The following CDH15 variants were observed in gnomAD, a reference collection of about 807,000 sequenced individuals.
The protein encoded by CDH15 is cadherin-15.
CDH15 carries 73 observed loss-of-function variants against 69.4 expected under a neutral mutation model. The ratio of observed to expected loss-of-function variants is 1.05; its 90% confidence interval spans 0.87 to 1.28. The LOEUF (loss-of-function observed/expected upper bound fraction) is 1.28. CDH15 is among the 50% of genes most tolerant of loss of function. CDH15 has a pLI of 0.00. For synonymous variants in CDH15, 624 were observed against 507.7 expected (o/e 1.23, Z -3.08); for missense variants, 1,343 against 1,133.6 (o/e 1.18, Z -2.65).
Position 89,191,752 on chromosome 16 carries a change from G to C in CDH15, c.1473G>C (p.Leu491=). 6.2e-7 allele frequency: 1 copy of C among 1,604,922 alleles called. No individual in the cohort carries two copies. The highest frequency in any genetic ancestry group is 8.5e-7 in the Non-Finnish European group (1 of 1,179,320). Residue 491 remains leucine (L), a synonymous_variant, in exon 10 of 14, where the codon CTG becomes CTC. Coordinates refer to ENST00000289746, the MANE Select transcript of CDH15 (RefSeq NM_004933.3). ...PVLAPPPPGS[L]CSEPHQGPGL... Reference sequence around the variant, plus strand: ...TGGCCCCGCCGCCGCCGGGCAGCCTGTGCAGCGAGCCACACCAAGGCCCAG... The same window carrying C: ...TGGCCCCGCCGCCGCCGGGCAGCCTCTGCAGCGAGCCACACCAAGGCCCAG...
At chr16:89,179,598 G>A in intron 2 of CDH15, 24 bp downstream of exon 2, 1 of 1,551,380 alleles carries the variant, frequency 6.4e-7, no homozygotes, top group Non-Finnish European at 8.7e-7. Flanking sequence ...GGGGGCAGGA[G>A]GGGAGAAAGG....
chr16:89,192,283 G>A lies in CDH15; in HGVS notation c.1694G>A (p.Gly565Glu). Residue 565 changes from glycine to glutamate, a missense_variant, in exon 11 of 14, where the codon GGG becomes GAG. Gly to Glu is a moderately conservative substitution (Grantham distance 98). Transcript: ENST00000289746. Reference protein sequence around the residue: ...HRLSLLLRDSGQPPQQREQPL... With the variant: ...HRLSLLLRDSEQPPQQREQPL... Reference sequence around the variant, plus strand: ...CTCAGCCTGCTGCTCCGGGACTCGGGGCAGCCGCCCCAGCAGCGCGAGCAG... The same window carrying A: ...CTCAGCCTGCTGCTCCGGGACTCGGAGCAGCCGCCCCAGCAGCGCGAGCAG... 6.5e-7 allele frequency: 1 copy of A among 1,531,600 alleles called. No individual in the cohort carries two copies. Among genetic ancestry groups the A allele is most frequent in the Non-Finnish European group, 8.7e-7 (1 of 1,145,526 alleles). The allele number at this position is 1,531,600 out of a possible 1,614,324, so 94.9% of individuals were successfully genotyped here. A position where few individuals can be genotyped will look rare whatever the true frequency, so the allele number is the denominator to read the frequency against.
intron 3 of CDH15, among the ~76,000 whole-genome samples, chr16:89,182,115 TCCCCCAGC>T (rs2151599933): frequency 2.0e-4 from 1 of 5,014 alleles, no homozygotes; most frequent in African/African-American, 8.8e-4. Flanking sequence ...CAGCCTGCCC[TCCCCCAGC>T]CTGCCCTCCC....
intron 9 of CDH15, 66 bp downstream of exon 9, chr16:89,191,538 T>A: frequency 6.3e-7 from 1 of 1,599,172 alleles, no homozygotes. Context: ...CCCCTGCCAG[T>A]GTCGGAGGGC....
At chr16:89,186,893 C>CACTT in intron 5 of CDH15, among the ~76,000 whole-genome samples, 1 of 148,576 alleles carries the variant, frequency 6.7e-6, no homozygotes, top group East Asian at 2.0e-4. Flanking sequence ...GCTCTGCAAA[C>CACTT]ACCCAGCACA....
chr16:89,180,578 C>T (rs964204844), intron 3 of CDH15, among the ~76,000 whole-genome samples: 4 of 152,224 alleles, frequency 2.6e-5, no homozygotes, highest in African/African-American at 9.7e-5. Flanking sequence ...AACTGGAGGG[C>T]AGACAGAGGT....
chr16:89,176,158 C>T (rs1192728724), intron 1 of CDH15, among the ~76,000 whole-genome samples: 7 of 152,264 alleles, frequency 4.6e-5, no homozygotes, highest in African/African-American at 1.2e-4. Context: ...ATCTCCTTCC[C>T]GGCCCCCGCC....
chr16:89,178,080 G>A (rs1446284138), intron 1 of CDH15, among the ~76,000 whole-genome samples: 3 of 152,196 alleles, frequency 2.0e-5, no homozygotes, highest in African/African-American at 4.8e-5. Flanking sequence ...GGGTCACTAC[G>A]AGTGCCCCTC....
chr16:89,185,288 G>A lies in CDH15; in HGVS notation c.618G>A (p.Glu206=). 1 of 1,606,280 alleles carries A rather than the reference G, an allele frequency of 6.2e-7. No homozygotes were observed. The highest frequency in any genetic ancestry group is 1.3e-5 in the African/African-American group (1 of 74,910). Residue 206 remains glutamate, a synonymous_variant, in exon 5 of 14, where the codon GAG becomes GAA. Transcript: ENST00000289746. ...QGSPELFSID[E]LTGEIRTVQV... is the part of the protein sequence containing the mutation. ...GCCCCGAGCTCTTCAGCATCGACGA[G>A]CTCACAGGAGAGATCCGCACAGTGC...
intron 8 of CDH15, 88 bp from the exon 9 acceptor site, chr16:89,191,242 T>A (rs892297159): frequency 3.9e-5 from 57 of 1,449,856 alleles, no homozygotes; most frequent in Non-Finnish European, 4.8e-5. Flanking sequence ...CCTGTGTGTG[T>A]GCAGTGCATG....
At chr16:89,192,117 G>A (rs1175622475) in intron 10 of CDH15, 88 bp from the exon 11 acceptor site, 1 of 1,440,660 alleles carries the variant, frequency 6.9e-7, no homozygotes, top group East Asian at 2.5e-5. Flanking sequence ...CAGGATCTCG[G>A]GATCCCCACC....
chr16:89,175,039 G>A (rs1915229622), intron 1 of CDH15, among the ~76,000 whole-genome samples: 2 of 152,184 alleles, frequency 1.3e-5, no homozygotes, highest in African/African-American at 2.4e-5. Context: ...GCCGTGGCCA[G>A]CCTGCTCACC....
At chr16:89,176,533 G>C (rs762545095) in intron 1 of CDH15, among the ~76,000 whole-genome samples, 1 of 152,186 alleles carries the variant, frequency 6.6e-6, no homozygotes, top group Non-Finnish European at 1.5e-5. Flanking sequence ...GGGCCGACTC[G>C]GTGCTCCCTC....
At chr16:89,180,688 C>T (rs941892162) in intron 3 of CDH15, among the ~76,000 whole-genome samples, 1 of 152,210 alleles carries the variant, frequency 6.6e-6, no homozygotes, top group African/African-American at 2.4e-5. Context: ...GTCCTGGGAG[C>T]TCAGGAGTGT....
At chr16:89,179,180 T>A (rs189094413) in intron 1 of CDH15, among the ~76,000 whole-genome samples, 183 of 152,294 alleles carry the variant, frequency 1.2e-3, no homozygotes, top group African/African-American at 4.3e-3. Flanking sequence ...GGCCAGTACT[T>A]GGGGTGTGGC....
Position 89,193,895 on chromosome 16 carries a change from C to T in CDH15, c.2133C>T (p.Ile711=), listed in dbSNP as rs749853280. 1.4e-5 allele frequency: 23 copies of T among 1,612,136 alleles called. 1 individual carries two copies. In the South Asian group the frequency reaches 2.1e-4, roughly 15 times the overall value. ...TGCTGCCCACCAGCCCCCTGGACAT[C>T]GCCGACTTCATCAATGATGTAGGTG... is the stretch of plus-strand genomic sequence containing the variant. The part of the protein sequence containing the change: ...PRVLPTSPLD[I]ADFINDGLEA... Residue 711 remains isoleucine, a synonymous_variant, in exon 13 of 14, where the codon ATC becomes ATT. Transcript: ENST00000289746.
chr16:89,180,364 C>G lies in CDH15; in HGVS notation c.357+9C>G, dbSNP rs1018449179. The G allele has an allele frequency of 6.2e-7, 1 of 1,609,970 alleles. No individual in the cohort carries two copies. Among genetic ancestry groups the G allele is most frequent in the South Asian group, 1.1e-5 (1 of 90,342 alleles). On this transcript the variant is annotated intron_variant, in intron 3 of 13. Coordinates refer to ENST00000289746, the MANE Select transcript of CDH15 (RefSeq NM_004933.3). Reference sequence around the variant, plus strand: ...AGACTGATCGCTTCAGGGTGCGGAGCTGCGTGGTCGGACCTGTGCCCCTCA... The same window carrying G: ...AGACTGATCGCTTCAGGGTGCGGAGGTGCGTGGTCGGACCTGTGCCCCTCA...
At chr16:89,194,776 G>T (rs1056895251) in intron 13 of CDH15, 86 bp from the exon 14 acceptor site, 14 of 1,379,034 alleles carry the variant, frequency 1.0e-5, no homozygotes, top group East Asian at 5.0e-5. Context: ...CGTGCCTTGA[G>T]CTGACTTTGC....
In CDH15 at chr16:89,175,099, G is replaced by A. The variant is rs559901429; in HGVS notation, c.42+3226G>A. On this transcript the variant is annotated intron_variant, in intron 1 of 13. Coordinates refer to ENST00000289746, the MANE Select transcript of CDH15 (RefSeq NM_004933.3). The stretch of plus-strand genomic sequence containing the variant: ...GGCAAGTGAGCCCTGCCAAGGCTCT[G>A]TGGCTGCTGTGACCTGGTGAACTCA... 3.3e-5 allele frequency among the ~76,000 whole-genome samples: 5 copies of A among 152,336 alleles called. No individual in the cohort carries two copies. In the South Asian group the frequency reaches 1.0e-3, roughly 32 times the overall value.
Sources: gnomAD v4.1 joint callset for allele counts (sites outside exome capture counted in the v4.1 genomes callset) on GRCh38, gnomAD v4.1.1 for gene constraint, MANE v1.5 for transcripts, NCBI Gene and HGNC (gene_info 2026-07-23, HGNC 2026-07-21) for gene names.